The following CNTNAP5 variants were observed in gnomAD, a reference collection of about 807,000 sequenced individuals.
CNTNAP5 encodes contactin associated protein family member 5, also known as contactin-associated protein-like 5.
In CNTNAP5, 72 loss-of-function variants were observed where a neutral mutation model predicts 150.2. The ratio of observed to expected loss-of-function variants is 0.48; its 90% CI spans 0.40 to 0.58. The LOEUF (loss-of-function observed/expected upper bound fraction) is 0.58. CNTNAP5 is among the 20% of genes least tolerant of loss of function. The pLI is 0.00. For missense variants in CNTNAP5, 1,636 were observed against 1,626.2 expected (o/e 1.01, Z -0.10); for synonymous variants, 672 against 619.8 (o/e 1.08, Z -1.25).
chr2:124,229,150 G>C (rs1485051608), intron 2 of CNTNAP5, among the ~76,000 whole-genome samples: 1 of 152,080 alleles, frequency 6.6e-6, no homozygotes, highest in African/African-American at 2.4e-5. Context: ...TAGCAGAAAA[G>C]ACCAACTCAA....
chr2:124,061,335 T>C (rs974574677), intron 1 of CNTNAP5, among the ~76,000 whole-genome samples: 31 of 152,208 alleles, frequency 2.0e-4, no homozygotes, highest in African/African-American at 7.0e-4. Context: ...TGTTTTTGTG[T>C]TTAACCAAAG....
chr2:124,857,290 C>T (rs757338318), intron 19 of CNTNAP5, among the ~76,000 whole-genome samples: 3 of 152,038 alleles, frequency 2.0e-5, no homozygotes, highest in Admixed American at 2.0e-4. Flanking sequence ...CTACTGGACT[C>T]GGCATATAAG....
intron 3 of CNTNAP5, among the ~76,000 whole-genome samples, chr2:124,329,718 A>G (rs1289088665): frequency 2.0e-5 from 3 of 152,166 alleles, no homozygotes; most frequent in African/African-American, 7.2e-5. Flanking sequence ...GTCCAATTAA[A>G]CAGTTGGTTT....
intron 19 of CNTNAP5, among the ~76,000 whole-genome samples, chr2:124,853,790 T>C (rs1677283850): frequency 6.6e-6 from 1 of 152,192 alleles, no homozygotes; most frequent in African/African-American, 2.4e-5. Context: ...GTTGTTTTCT[T>C]GATCCTCTCC....
intron 11 of CNTNAP5, among the ~76,000 whole-genome samples, chr2:124,588,187 T>C (rs1696593208): frequency 1.0e-5 from 1 of 97,436 alleles, no homozygotes; most frequent in Non-Finnish European, 2.4e-5. Context: ...CTTCTTTCTT[T>C]CTTTCTTTCT....
intron 3 of CNTNAP5, among the ~76,000 whole-genome samples, chr2:124,335,143 ATGG>A (rs1211323195): frequency 6.6e-6 from 1 of 152,110 alleles, no homozygotes; most frequent in Non-Finnish European, 1.5e-5. Context: ...CACCCAAAAT[ATGG>A]GGTGCTGCTA....
intron 14 of CNTNAP5, among the ~76,000 whole-genome samples, chr2:124,751,606 G>A (rs1347576407): frequency 6.6e-6 from 1 of 152,218 alleles, no homozygotes; most frequent in Non-Finnish European, 1.5e-5. Context: ...CTTGACAACT[G>A]ACTTTCCACA....
chr2:124,355,194 G>A (rs560842539), intron 3 of CNTNAP5, among the ~76,000 whole-genome samples: 2 of 152,034 alleles, frequency 1.3e-5, no homozygotes, highest in Admixed American at 1.3e-4. Flanking sequence ...ATAATTAGGG[G>A]ATAAATGTTC....
intron 7 of CNTNAP5, among the ~76,000 whole-genome samples, chr2:124,493,834 G>C (rs1282539600): frequency 6.6e-6 from 1 of 151,920 alleles, no homozygotes; most frequent in Non-Finnish European, 1.5e-5. Flanking sequence ...CATATTTTCA[G>C]AGCTAAGAAT....
At chr2:124,508,591 G>A (rs945248702) in intron 8 of CNTNAP5, among the ~76,000 whole-genome samples, 1 of 152,134 alleles carries the variant, frequency 6.6e-6, no homozygotes, top group African/African-American at 2.4e-5. Context: ...AGAGAGCCTG[G>A]TAAGAGCTGC....
chr2:124,429,308 G>A (rs1692315553), intron 4 of CNTNAP5, among the ~76,000 whole-genome samples: 2 of 151,938 alleles, frequency 1.3e-5, no homozygotes, highest in African/African-American at 2.4e-5. Context: ...GCTATGTTAG[G>A]AGTTGTCACA....
At chr2:124,741,891 A>G (rs1680504699) in intron 13 of CNTNAP5, among the ~76,000 whole-genome samples, 1 of 152,086 alleles carries the variant, frequency 6.6e-6, no homozygotes, top group Non-Finnish European at 1.5e-5. Flanking sequence ...TCTTTATAAG[A>G]CATTCTAGAA....
chr2:124,495,854 C>T (rs1694130347), intron 7 of CNTNAP5, among the ~76,000 whole-genome samples: 1 of 152,158 alleles, frequency 6.6e-6, no homozygotes, highest in South Asian at 2.1e-4. Flanking sequence ...CCACCCAAGT[C>T]CTATTCCCAG....
intron 7 of CNTNAP5, among the ~76,000 whole-genome samples, chr2:124,501,712 C>T (rs1177414550): frequency 2.0e-5 from 3 of 152,154 alleles, no homozygotes; most frequent in East Asian, 1.9e-4. Flanking sequence ...CAACACTGTA[C>T]GTCATTTCTG....
At chr2:124,743,332 G>A (rs1680537647) in intron 13 of CNTNAP5, among the ~76,000 whole-genome samples, 1 of 152,182 alleles carries the variant, frequency 6.6e-6, no homozygotes, top group Non-Finnish European at 1.5e-5. Context: ...GGGAAAATGT[G>A]TTGTGAGTCC....
At chr2:124,223,672 T>C (rs924444511) in intron 2 of CNTNAP5, among the ~76,000 whole-genome samples, 9 of 151,762 alleles carry the variant, frequency 5.9e-5, no homozygotes, top group Non-Finnish European at 1.2e-4. Flanking sequence ...GTGGGTCTGA[T>C]CACAGGCCGG....
At chr2:124,175,741 G>A (rs1685049355) in intron 1 of CNTNAP5, among the ~76,000 whole-genome samples, 1 of 152,188 alleles carries the variant, frequency 6.6e-6, no homozygotes, top group African/African-American at 2.4e-5. Context: ...CTACATCCAT[G>A]TTGCTGCAGA....
At chr2:124,477,074 T>C (rs1003263333) in intron 7 of CNTNAP5, among the ~76,000 whole-genome samples, 1 of 152,100 alleles carries the variant, frequency 6.6e-6, no homozygotes, top group African/African-American at 2.4e-5. Context: ...GTTTTATACA[T>C]AATTCCTATA....
chr2:124,670,881 T>G (rs975228882), intron 13 of CNTNAP5, among the ~76,000 whole-genome samples: 2 of 152,214 alleles, frequency 1.3e-5, no homozygotes, highest in African/African-American at 4.8e-5. Flanking sequence ...TCCACTTTAT[T>G]TTTCCTCAGT....
Sources: gnomAD v4.1 joint callset for allele counts (sites outside exome capture counted in the v4.1 genomes callset) on GRCh38, gnomAD v4.1.1 for gene constraint, MANE v1.5 for transcripts, NCBI Gene and HGNC (gene_info 2026-07-23, HGNC 2026-07-21) for gene names.